The following RCL1 variants were observed in gnomAD, a reference collection of about 807,000 sequenced individuals.
RCL1 encodes the protein RNA 3'-terminal phosphate cyclase-like protein.
A neutral mutation model predicts 42.4 loss-of-function variants in RCL1; 24 were observed. The observed-to-expected ratio is 0.57, with a 90% CI of 0.41 to 0.80. The LOEUF (loss-of-function observed/expected upper bound fraction) is 0.80, where lower values mean the gene tolerates loss of function less well. Among genes scored for constraint, RCL1 ranks in the 30% least tolerant of loss-of-function variants. The pLI is 0.00. For synonymous variants in RCL1, 228 were observed against 177.3 expected (o/e 1.29, Z -2.27); for missense variants, 578 against 467.9 (o/e 1.24, Z -2.17).
chr9:4,802,821 G>A (rs191780990), intron 1 of RCL1, among the ~76,000 whole-genome samples: 24 of 152,020 alleles, frequency 1.6e-4, no homozygotes, highest in African/African-American at 5.8e-4. Flanking sequence ...GGTAAGTTTT[G>A]TTTTGTTTTG....
chr9:4,824,219 C>G (rs1235587802), intron 2 of RCL1, among the ~76,000 whole-genome samples: 1 of 152,134 alleles, frequency 6.6e-6, no homozygotes, highest in Non-Finnish European at 1.5e-5. Flanking sequence ...TAAGTTTACA[C>G]AAGTATATGC....
Position 4,798,508 on chromosome 9 carries a change from G to A in RCL1, c.136+5281G>A, listed in dbSNP as rs116375951. 5.1e-3 allele frequency among the ~76,000 whole-genome samples: 784 copies of A among 152,312 alleles called. 8 individuals carry two copies. The highest frequency in any genetic ancestry group is 0.017 in the African/African-American group (721 of 41,584). Reference sequence around the variant, plus strand: ...TGCTCCATATGGCTTAAGCAGATAAGATTCTGAAAAAGAAGAGCTAAGTGG... The same window carrying A: ...TGCTCCATATGGCTTAAGCAGATAAAATTCTGAAAAAGAAGAGCTAAGTGG... On this transcript the variant is annotated intron_variant, in intron 1 of 8. Coordinates refer to ENST00000381750, the MANE Select transcript of RCL1 (RefSeq NM_005772.5).
intron 8 of RCL1, 39 bp from the exon 9 acceptor site, chr9:4,860,086 A>C (rs1273647384): frequency 7.1e-7 from 1 of 1,402,802 alleles, no homozygotes; most frequent in South Asian, 1.5e-5. Flanking sequence ...TTTTGAATGA[A>C]TTTCTTTTTA....
intron 1 of RCL1, chr9:4,803,673 T>C (rs1339108656): frequency 6.6e-6 from 1 of 152,234 alleles, no homozygotes; most frequent in Non-Finnish European, 1.5e-5. Context: ...TGACCATGAT[T>C]GTAGTGCTTC....
In RCL1 at chr9:4,842,454, A is replaced by G. The variant is rs150392180; in HGVS notation, c.710+1097A>G. ...CAGTGGAGGCTCATAGTCCAAAGCAACAAAGCTGGTGGCGTCATAACGCTG... is the reference window on the plus strand; with the variant it reads ...CAGTGGAGGCTCATAGTCCAAAGCAGCAAAGCTGGTGGCGTCATAACGCTG... On this transcript the variant is annotated intron_variant, in intron 6 of 8. Coordinates refer to ENST00000381750, the MANE Select transcript of RCL1 (RefSeq NM_005772.5). Among the ~76,000 whole-genome samples the G allele has an allele frequency of 2.2e-3, 333 of 152,362 alleles. 3 individuals are homozygous for G. The highest frequency in any genetic ancestry group is 7.7e-3 in the African/African-American group (319 of 41,582).
chr9:4,819,733 G>C (rs1816522778), intron 1 of RCL1, among the ~76,000 whole-genome samples: 1 of 152,206 alleles, frequency 6.6e-6, no homozygotes, highest in African/African-American at 2.4e-5. Flanking sequence ...CTTGAACCCG[G>C]GAGGCGGAGG....
chr9:4,830,699 G>A (rs1029329891), intron 3 of RCL1, among the ~76,000 whole-genome samples: 3 of 152,198 alleles, frequency 2.0e-5, no homozygotes. Context: ...ACATATGTAT[G>A]TATGTGTATA....
In RCL1 at chr9:4,860,189, T is replaced by C. The variant is rs368179527; in HGVS notation, c.1036T>C (p.Cys346Arg). The stretch of plus-strand genomic sequence containing the variant: ...TATGTTTAAAATTGAAACCAAGCCA[T>C]GTGGTGAAGAACTCAAGGGTGGGGA... The part of the protein sequence containing the change: ...QIMFKIETKP[C>R]GEELKGGDKV... The change falls in exon 9 of 9, where the codon TGT (cysteine) becomes CGT (arginine). Residue 346 changes from cysteine (C) to arginine (R), a missense_variant. By Grantham distance (180) the Cys-to-Arg change is radical. Transcript: ENST00000381750. 1.1e-4 allele frequency: 174 copies of C among 1,612,152 alleles called. No homozygotes were observed. The highest frequency in any genetic ancestry group is 1.4e-4 in the Non-Finnish European group (164 of 1,179,300).
At chr9:4,850,015 A>T (rs1305143403) in intron 8 of RCL1, among the ~76,000 whole-genome samples, 1 of 152,216 alleles carries the variant, frequency 6.6e-6, no homozygotes, top group Admixed American at 6.5e-5. Context: ...AGGGAATTGT[A>T]GAAGTGAGTT....
At chr9:4,853,369 C>A (rs1817820546) in intron 8 of RCL1, among the ~76,000 whole-genome samples, 1 of 149,642 alleles carries the variant, frequency 6.7e-6, no homozygotes, top group Non-Finnish European at 1.5e-5. Flanking sequence ...GTCGCCCAGG[C>A]TGAGTGCAGT....
At chr9:4,822,383 G>T (rs746731912) in intron 1 of RCL1, among the ~76,000 whole-genome samples, 1 of 152,194 alleles carries the variant, frequency 6.6e-6, no homozygotes, top group African/African-American at 2.4e-5. Flanking sequence ...AAACTAAGGG[G>T]TGTGTTTGTG....
At chr9:4,840,107 C>A (rs556012744) in intron 5 of RCL1, among the ~76,000 whole-genome samples, 46 of 151,698 alleles carry the variant, frequency 3.0e-4, no homozygotes, top group Non-Finnish European at 5.2e-4. Context: ...GAAGATTGGT[C>A]TTTTAGTATG....
chr9:4,816,560 T>C (rs1360907070), intron 1 of RCL1, among the ~76,000 whole-genome samples: 2 of 152,160 alleles, frequency 1.3e-5, no homozygotes, highest in Admixed American at 6.5e-5. Flanking sequence ...TATATAATAT[T>C]ATATTTAATT....
intron 8 of RCL1, among the ~76,000 whole-genome samples, chr9:4,858,782 G>C (rs1348738070): frequency 1.3e-5 from 2 of 152,196 alleles, no homozygotes; most frequent in Non-Finnish European, 2.9e-5. Context: ...TGGAGAGTTT[G>C]GCTGGTTTGA....
At chr9:4,834,838 C>G (rs981073138) in intron 5 of RCL1, among the ~76,000 whole-genome samples, 2 of 152,106 alleles carry the variant, frequency 1.3e-5, no homozygotes, top group African/African-American at 4.8e-5. Context: ...CACTTACATC[C>G]TTTTTTGCAG....
At chr9:4,827,103 A>T in intron 3 of RCL1, 70 bp downstream of exon 3, 1 of 1,603,426 alleles carries the variant, frequency 6.2e-7, no homozygotes, top group African/African-American at 1.3e-5. Context: ...TTGTGAGAAA[A>T]AAGTTCCTTA....
intron 3 of RCL1, among the ~76,000 whole-genome samples, chr9:4,830,387 T>C (rs1238213231): frequency 6.6e-6 from 1 of 152,188 alleles, no homozygotes; most frequent in South Asian, 2.1e-4. Context: ...CTGAGGGTCC[T>C]TGCCGAAGTC....
At chr9:4,827,731 AGTGTG>A (rs1286484368) in intron 3 of RCL1, among the ~76,000 whole-genome samples, 5 of 147,496 alleles carry the variant, frequency 3.4e-5, no homozygotes, top group Admixed American at 6.7e-5. Flanking sequence ...TCTAGGATGA[AGTGTG>A]TGTGTGTGTG....
chr9:4,834,498 C>T (rs535294636), intron 5 of RCL1, among the ~76,000 whole-genome samples: 58 of 141,166 alleles, frequency 4.1e-4, no homozygotes, highest in Admixed American at 1.0e-3. Context: ...TTTAATTTTC[C>T]GGTTAACATT....
Sources: allele counts gnomAD v4.1 joint callset (sites outside exome capture counted in the v4.1 genomes callset), GRCh38; gene constraint gnomAD v4.1.1; transcripts MANE v1.5; gene names NCBI Gene and HGNC (gene_info 2026-07-23, HGNC 2026-07-21).